Variants in LONP2 observed in about 807,000 individuals in gnomAD.
LONP2 encodes lon protease homolog 2, peroxisomal.
LONP2 carries 60 observed loss-of-function variants against 85.6 expected under a neutral mutation model. That is an observed-to-expected ratio of 0.70 (90% confidence interval 0.57 to 0.87). The LOEUF (loss-of-function observed/expected upper bound fraction) is 0.87, where lower values mean the gene tolerates loss of function less well. Ranked by LOEUF, LONP2 falls within the 40% of genes least tolerant of loss-of-function variation. LONP2 has a pLI of 0.00. For missense variants in LONP2, 860 were observed against 1,063.5 expected (o/e 0.81, Z 2.66); for synonymous variants, 395 against 389.7 (o/e 1.01, Z -0.16).
At chr16:48,357,624 C>A (rs751381230), downstream of LONP2, among the ~76,000 whole-genome samples, 1 of 152,184 alleles carries the variant, frequency 6.6e-6, no homozygotes, top group Non-Finnish European at 1.5e-5. Context: ...GGATTTGATC[C>A]ATTATTTTCT....
chr16:48,362,547 A>G lies in LONP2; in HGVS notation c.*684A>G, dbSNP rs1960635431. 4 of 984,824 alleles carry G rather than the reference A, an allele frequency of 4.1e-6. 1 individual carries two copies. Among genetic ancestry groups the G allele is most frequent in the Admixed American group, 2.7e-5 (1 of 36,418 alleles). 61.0% of individuals were successfully genotyped at this position (984,824 alleles called of 1,614,324 possible). A position where few individuals can be genotyped will look rare whatever the true frequency, so the allele number is the denominator to read the frequency against. On this transcript the variant is annotated 3_prime_UTR_variant, in exon 5 of 5. Coordinates refer to the LONP2 transcript ENST00000565867. The surrounding 1 kb of genome is among the most constrained non-coding windows in gnomAD (Gnocchi z 4.2). ...GTTTCATACAAAATTTACTGAGCAA[A>G]AGAGGAAGAAAAATAGGATTAAAAA... is the stretch of plus-strand genomic sequence containing the variant.
At chr16:48,268,916 A>T (rs1250309426) in intron 6 of LONP2, among the ~76,000 whole-genome samples, 1 of 152,110 alleles carries the variant, frequency 6.6e-6, no homozygotes, top group African/African-American at 2.4e-5. Flanking sequence ...ATTAAAAGAT[A>T]TGTATTAATT....
At chr16:48,273,673 T>C (rs1972149094) in intron 7 of LONP2, among the ~76,000 whole-genome samples, 2 of 152,198 alleles carry the variant, frequency 1.3e-5, no homozygotes, top group African/African-American at 4.8e-5. Context: ...ATAATTTAAG[T>C]CAATTCACAC....
In LONP2 at chr16:48,244,450, G is replaced by A. The variant is rs1261804577; in HGVS notation, c.62G>A (p.Gly21Asp). 6.3e-7 allele frequency: 1 copy of A among 1,595,382 alleles called. No homozygotes were observed. Among genetic ancestry groups the A allele is most frequent in the Non-Finnish European group, 8.5e-7 (1 of 1,175,386 alleles). The change falls in exon 1 of 15, where the codon GGC becomes GAC. Residue 21 changes from glycine (G) to aspartate (D), a missense_variant. Gly to Asp is a moderately conservative substitution (Grantham distance 94). Coordinates refer to ENST00000285737, the MANE Select transcript of LONP2 (RefSeq NM_031490.5). ...SRLPLLLTHE[G>D]VLLPGSTMRT... ...CTCCCGCTGCTGCTCACCCACGAGG[G>A]CGTCCTGCTGCCCGGCTCCACCATG...
intron 12 of LONP2, 40 bp downstream of exon 12, chr16:48,334,398 A>G: frequency 6.2e-7 from 1 of 1,613,582 alleles, no homozygotes; most frequent in Non-Finnish European, 8.5e-7. Context: ...CCAGTCAATG[A>G]AAGGAACACT....
At chr16:48,278,567 A>G (rs1214269446) in intron 8 of LONP2, among the ~76,000 whole-genome samples, 1 of 152,216 alleles carries the variant, frequency 6.6e-6, no homozygotes, top group Non-Finnish European at 1.5e-5. Context: ...GGTTGGAAAT[A>G]ATTTTTCTAT....
At chr16:48,262,914 C>G (rs754920502) in intron 6 of LONP2, 42 bp downstream of exon 6, 1 of 1,202,366 alleles carries the variant, frequency 8.3e-7, no homozygotes, top group African/African-American at 1.5e-5. Flanking sequence ...CTAATTGTCA[C>G]TCAGAAAGCT....
intron 8 of LONP2, among the ~76,000 whole-genome samples, chr16:48,279,856 G>A (rs142015276): frequency 6.6e-5 from 10 of 152,166 alleles, no homozygotes; most frequent in Non-Finnish European, 1.2e-4. Flanking sequence ...GAGCTGCCTC[G>A]TGCTTCCTGT....
chr16:48,273,351 G>T (rs1972144308), intron 7 of LONP2, among the ~76,000 whole-genome samples: 1 of 152,130 alleles, frequency 6.6e-6, no homozygotes, highest in South Asian at 2.1e-4. Flanking sequence ...GTTTTTTATG[G>T]TTAAATGATA....
chr16:48,290,900 C>T (rs1377101020), intron 8 of LONP2, among the ~76,000 whole-genome samples: 1 of 152,184 alleles, frequency 6.6e-6, no homozygotes, highest in African/African-American at 2.4e-5. Context: ...ATGCCTTGGT[C>T]TTTCCTGTGA....
At position 48,252,323 on chromosome 16, in the gene LONP2, G is replaced by A; in HGVS notation, c.426G>A (p.Glu142=). ...CCAACACCTGTAAAATGAGGGAGGAGCTAGGAGAACTATCAGAGCAGTTTT... is the reference window on the plus strand; with the variant it reads ...CCAACACCTGTAAAATGAGGGAGGAACTAGGAGAACTATCAGAGCAGTTTT... ...EFPNTCKMRE[E]LGELSEQFYK... Residue 142 remains glutamate, a synonymous_variant, in exon 2 of 15, where the codon GAG becomes GAA. Coordinates refer to ENST00000285737, the MANE Select transcript of LONP2 (RefSeq NM_031490.5). 8 of 1,613,276 alleles carry A rather than the reference G, an allele frequency of 5.0e-6. No individual in the cohort carries two copies. The highest frequency in any genetic ancestry group is 6.8e-6 in the Non-Finnish European group (8 of 1,179,692).
intron 8 of LONP2, among the ~76,000 whole-genome samples, chr16:48,280,220 GTTTAA>G (rs1972297385): frequency 6.6e-6 from 1 of 152,064 alleles, no homozygotes. Flanking sequence ...TAGACTTTCA[GTTTAA>G]TTTATATTGG....
chr16:48,318,787 T>G (rs973758805), intron 11 of LONP2, among the ~76,000 whole-genome samples: 2 of 152,204 alleles, frequency 1.3e-5, no homozygotes, highest in African/African-American at 4.8e-5. Context: ...TTAGCCTTTC[T>G]CAGGATGCAG....
intron 8 of LONP2, among the ~76,000 whole-genome samples, chr16:48,294,595 ATC>A (rs147976907): frequency 0.019 from 2,926 of 152,210 alleles, 36 homozygotes; most frequent in Non-Finnish European, 0.03. Flanking sequence ...GTGAAACCCC[ATC>A]TCTACTAAAA....
At chr16:48,283,626 C>T (rs1347155089) in intron 8 of LONP2, among the ~76,000 whole-genome samples, 6 of 152,048 alleles carry the variant, frequency 3.9e-5, no homozygotes, top group East Asian at 1.9e-4. Context: ...TGAAACTTAC[C>T]GTTCAAAAAA....
chr16:48,252,146 A>G lies in LONP2; in HGVS notation c.249A>G (p.Ala83=). ...LPPLHRIGTA[A]LAVQVVGSNW... ...TGTTTTTCAGGATTGGCACAGCTGCACTGGCCGTTCAGGTTGTGGGCAGTA... is the reference window on the plus strand; with the variant it reads ...TGTTTTTCAGGATTGGCACAGCTGCGCTGGCCGTTCAGGTTGTGGGCAGTA... Residue 83 remains alanine (A), a synonymous_variant, in exon 2 of 15, where the codon GCA becomes GCG. Transcript: ENST00000285737. 1 of 1,596,542 alleles carries G rather than the reference A, an allele frequency of 6.3e-7. No homozygotes were observed. Among genetic ancestry groups the G allele is most frequent in the Non-Finnish European group, 8.6e-7 (1 of 1,168,288 alleles).
rs113213117 is a variant in LONP2 at position 48,263,169 on chromosome 16, T to C, written c.982+297T>C. Among the ~76,000 whole-genome samples the C allele has an allele frequency of 4.6e-5, 7 of 152,300 alleles. 1 individual carries two copies. The highest frequency in any genetic ancestry group is 1.7e-4 in the African/African-American group (7 of 41,566). ...CTCCTACCTCTTTTGTGATTATTATTATCATCATTATTATTGGCTTTTTTC... is the reference window on the plus strand; with the variant it reads ...CTCCTACCTCTTTTGTGATTATTATCATCATCATTATTATTGGCTTTTTTC... On this transcript the variant is annotated intron_variant, in intron 6 of 14. Coordinates refer to ENST00000285737, the MANE Select transcript of LONP2 (RefSeq NM_031490.5).
chr16:48,249,234 A>G (rs752872551), intron 1 of LONP2, among the ~76,000 whole-genome samples: 5 of 152,288 alleles, frequency 3.3e-5, no homozygotes, highest in Middle Eastern at 3.4e-3. Context: ...CATAATTAGG[A>G]TGTAGATTTA....
At chr16:48,331,209 A>C (rs1490487469) in intron 11 of LONP2, among the ~76,000 whole-genome samples, 1 of 152,224 alleles carries the variant, frequency 6.6e-6, no homozygotes, top group Non-Finnish European at 1.5e-5. Flanking sequence ...TTAATTAAGC[A>C]ATGACACCTA....
Sources: allele counts gnomAD v4.1 joint callset (sites outside exome capture counted in the v4.1 genomes callset), GRCh38; gene constraint gnomAD v4.1.1; non-coding constraint Gnocchi (gnomAD v3.1); transcripts MANE v1.5; gene names NCBI Gene and HGNC (gene_info 2026-07-23, HGNC 2026-07-21).